Variants in GRID1 observed in about 807,000 individuals in gnomAD.
GRID1 encodes the protein glutamate ionotropic receptor delta type subunit 1.
In GRID1, 28 loss-of-function variants were observed where a neutral mutation model predicts 98.0. The ratio of observed to expected loss-of-function variants is 0.29; its 90% CI spans 0.21 to 0.39. GRID1 has a LOEUF of 0.39. GRID1 is among the 10% of genes least tolerant of loss of function. The pLI is 1.00. For synonymous variants in GRID1, 553 were observed against 538.5 expected, an observed-to-expected ratio of 1.03 and a Z score of -0.37; for missense variants, 1,111 against 1,340.5, an observed-to-expected ratio of 0.83 and a Z score of 2.67.
chr10:86,215,502 A>C (rs945695059), intron 2 of GRID1, among the ~76,000 whole-genome samples: 1 of 152,210 alleles, frequency 6.6e-6, no homozygotes, highest in African/African-American at 2.4e-5. Context: ...TGCTCCGCCA[A>C]TGAAACGTTA....
chr10:86,084,772 C>T (rs1002526347), intron 4 of GRID1, among the ~76,000 whole-genome samples: 1 of 152,078 alleles, frequency 6.6e-6, no homozygotes, highest in African/African-American at 2.4e-5. Flanking sequence ...GTGCAGTAAG[C>T]CGCTCACAAC....
intron 4 of GRID1, among the ~76,000 whole-genome samples, chr10:85,968,480 C>G (rs933227178): frequency 4.7e-5 from 7 of 149,660 alleles, no homozygotes; most frequent in African/African-American, 1.7e-4. Context: ...AGACAACTGC[C>G]TGTAATAACA....
chr10:86,092,503 G>A (rs1844164407), intron 4 of GRID1, among the ~76,000 whole-genome samples: 1 of 152,008 alleles, frequency 6.6e-6, no homozygotes, highest in Non-Finnish European at 1.5e-5. Context: ...AAACCTTTAT[G>A]TGCATAAAGA....
At chr10:86,244,013 C>T (rs4934172) in intron 2 of GRID1, among the ~76,000 whole-genome samples, 14,668 of 152,210 alleles carry the variant, frequency 0.096, 1,092 homozygotes, top group African/African-American at 0.2. Flanking sequence ...TATATACATA[C>T]ATGTATACAT....
At chr10:85,704,606 G>C (rs1056345916) in intron 12 of GRID1, among the ~76,000 whole-genome samples, 14 of 152,150 alleles carry the variant, frequency 9.2e-5, no homozygotes, top group African/African-American at 2.9e-4. Flanking sequence ...ACTCAGCTCT[G>C]CACCAAGTGG....
chr10:86,251,027 T>C (rs1404366322), intron 2 of GRID1, among the ~76,000 whole-genome samples: 2 of 152,200 alleles, frequency 1.3e-5, no homozygotes, highest in African/African-American at 4.8e-5. Flanking sequence ...GGGATGCTGT[T>C]AATCTATAAC....
At chr10:85,849,123 G>A (rs548143257) in intron 8 of GRID1, among the ~76,000 whole-genome samples, 61 of 152,244 alleles carry the variant, frequency 4.0e-4, no homozygotes, top group African/African-American at 1.4e-3. Context: ...ACTTCATTAC[G>A]AGTTAGCCTT....
chr10:85,885,323 T>C (rs1398662110), intron 5 of GRID1, among the ~76,000 whole-genome samples: 1 of 152,226 alleles, frequency 6.6e-6, no homozygotes, highest in East Asian at 1.9e-4. Flanking sequence ...TGATTTCCCC[T>C]GTTCAGAGGA....
At chr10:85,879,819 T>C (rs60082292) in intron 5 of GRID1, among the ~76,000 whole-genome samples, 2,403 of 151,984 alleles carry the variant, frequency 0.016, 76 homozygotes, top group African/African-American at 0.054. Context: ...TTCAAAAAAT[T>C]AATGAATCCA....
intron 8 of GRID1, among the ~76,000 whole-genome samples, chr10:85,836,286 G>A (rs1390277896): frequency 6.6e-6 from 1 of 152,150 alleles, no homozygotes; most frequent in East Asian, 1.9e-4. Flanking sequence ...ATGTAGACAA[G>A]TGGAATAGCT....
intron 4 of GRID1, among the ~76,000 whole-genome samples, chr10:85,958,222 GTC>G (rs1842219894): frequency 6.6e-6 from 1 of 152,220 alleles, no homozygotes. Flanking sequence ...ACTGATGACA[GTC>G]TCTCTCATGG....
At chr10:86,175,787 G>A (rs1845568018) in intron 3 of GRID1, among the ~76,000 whole-genome samples, 1 of 151,930 alleles carries the variant, frequency 6.6e-6, no homozygotes, top group African/African-American at 2.4e-5. Context: ...TCTGCACACT[G>A]CAATCTCCGC....
intron 4 of GRID1, among the ~76,000 whole-genome samples, chr10:86,016,192 G>A (rs1486237022): frequency 2.3e-5 from 3 of 131,506 alleles, no homozygotes; most frequent in African/African-American, 5.2e-5. Flanking sequence ...TGTTGCCCAG[G>A]CTGGAGTGCA....
intron 4 of GRID1, among the ~76,000 whole-genome samples, chr10:86,085,017 C>T (rs1844030080): frequency 6.6e-6 from 1 of 152,140 alleles, no homozygotes; most frequent in African/African-American, 2.4e-5. Flanking sequence ...CGTGGTAAAT[C>T]TTATGTTATG....
At chr10:85,803,462 C>T (rs1266666317) in intron 8 of GRID1, among the ~76,000 whole-genome samples, 1 of 152,020 alleles carries the variant, frequency 6.6e-6, no homozygotes, top group Non-Finnish European at 1.5e-5. Flanking sequence ...AACTTCAGTG[C>T]AAATGAACTA....
chr10:86,329,715 G>T (rs978710647), intron 2 of GRID1, among the ~76,000 whole-genome samples: 1 of 152,196 alleles, frequency 6.6e-6, no homozygotes, highest in Middle Eastern at 3.4e-3. Flanking sequence ...GGCCCTGCTG[G>T]GGGTCTCTGC....
At chr10:85,844,844 A>C (rs1160324808) in intron 8 of GRID1, among the ~76,000 whole-genome samples, 2 of 152,096 alleles carry the variant, frequency 1.3e-5, no homozygotes, top group South Asian at 2.1e-4. Context: ...AAGAATAAAA[A>C]TTATATAATT....
At chr10:86,050,099 C>T (rs575851521) in intron 4 of GRID1, among the ~76,000 whole-genome samples, 4 of 152,182 alleles carry the variant, frequency 2.6e-5, no homozygotes, top group Non-Finnish European at 5.9e-5. Flanking sequence ...GGCGTGATTC[C>T]ACAGATGGCT....
chr10:85,951,763 G>A (rs1475508185), intron 4 of GRID1, among the ~76,000 whole-genome samples: 2 of 152,118 alleles, frequency 1.3e-5, no homozygotes, highest in Admixed American at 1.3e-4. Context: ...CGCAGGTGCT[G>A]GCTAAAGGCT....
Sources: gnomAD v4.1 joint callset for allele counts (sites outside exome capture counted in the v4.1 genomes callset) on GRCh38, gnomAD v4.1.1 for gene constraint, MANE v1.5 for transcripts, NCBI Gene and HGNC (gene_info 2026-07-23, HGNC 2026-07-21) for gene names.